The following SPEF2 variants were observed in gnomAD, a reference collection of about 807,000 sequenced individuals.
SPEF2 encodes sperm flagellar and cilia associated 2.
A neutral mutation model predicts 224.6 loss-of-function variants in SPEF2; 187 were observed. The observed-to-expected ratio is 0.83, with a 90% CI of 0.74 to 0.94. SPEF2 has a LOEUF of 0.94. Among genes scored for constraint, SPEF2 ranks in the 40% least tolerant of loss-of-function variants. The pLI is 0.00. For missense variants in SPEF2, 2,170 were observed against 2,135.6 expected, an observed-to-expected ratio of 1.02 and a Z score of -0.32; for synonymous variants, 715 against 707.3, an observed-to-expected ratio of 1.01 and a Z score of -0.17.
At chr5:35,669,257 T>C (rs186375850) in intron 9 of SPEF2, among the ~76,000 whole-genome samples, 1 of 152,244 alleles carries the variant, frequency 6.6e-6, no homozygotes, top group East Asian at 1.9e-4. Flanking sequence ...AAATACTACT[T>C]TTTAAGTTGT....
At chr5:35,688,658 G>T (rs1313727191) in intron 10 of SPEF2, among the ~76,000 whole-genome samples, 1 of 151,952 alleles carries the variant, frequency 6.6e-6, no homozygotes, top group Non-Finnish European at 1.5e-5. Context: ...ACCTGTTCTG[G>T]GATCTGACTG....
intron 2 of SPEF2, among the ~76,000 whole-genome samples, chr5:35,639,559 A>G (rs1746304602): frequency 6.6e-6 from 1 of 152,184 alleles, no homozygotes. Flanking sequence ...AAAGTTATTC[A>G]TCTTGGAAAT....
At chr5:35,690,397 T>G (rs1222838641) in intron 10 of SPEF2, among the ~76,000 whole-genome samples, 3 of 152,198 alleles carry the variant, frequency 2.0e-5, no homozygotes, top group Non-Finnish European at 4.4e-5. Flanking sequence ...TGTTTTAATG[T>G]TCCTTTTAGA....
At chr5:35,687,990 T>C (rs1344900447) in intron 10 of SPEF2, among the ~76,000 whole-genome samples, 1 of 152,178 alleles carries the variant, frequency 6.6e-6, no homozygotes, top group Non-Finnish European at 1.5e-5. Context: ...GGACTCTTGT[T>C]GAATAAGCAG....
At chr5:35,785,034 G>C (rs1021135130) in intron 30 of SPEF2, among the ~76,000 whole-genome samples, 2 of 152,142 alleles carry the variant, frequency 1.3e-5, no homozygotes, top group African/African-American at 4.8e-5. Context: ...TGTATTTGCA[G>C]GTAAGTATTT....
chr5:35,700,867 T>A, intron 16 of SPEF2, 115 bp downstream of exon 16: 2 of 1,168,204 alleles, frequency 1.7e-6, no homozygotes. Flanking sequence ...CACTTCAGCC[T>A]ATCAAATAAT....
intron 26 of SPEF2, among the ~76,000 whole-genome samples, chr5:35,767,593 C>G (rs950194955): frequency 7.2e-5 from 11 of 151,736 alleles, no homozygotes; most frequent in African/African-American, 2.4e-4. Flanking sequence ...TTTAAAATAT[C>G]CAATCCAAAA....
intron 25 of SPEF2, among the ~76,000 whole-genome samples, chr5:35,760,758 T>C (rs7380587): frequency 0.9 from 136,341 of 152,228 alleles, 61,445 homozygotes; most frequent in South Asian, 0.99. Context: ...GAAAAATGTC[T>C]TCTAGAAATG....
intron 30 of SPEF2, chr5:35,789,947 G>A: frequency 1.4e-6 from 1 of 702,598 alleles, no homozygotes. Flanking sequence ...GCAAGCTGAG[G>A]AAAGTGGTGG....
intron 15 of SPEF2, chr5:35,698,462 C>T (rs1755647606): frequency 6.6e-6 from 1 of 152,204 alleles, no homozygotes; most frequent in Non-Finnish European, 1.5e-5. Flanking sequence ...TGTAACATTT[C>T]CCAGAAGTGG....
At chr5:35,719,704 C>G (rs1743265102) in intron 20 of SPEF2, among the ~76,000 whole-genome samples, 1 of 152,088 alleles carries the variant, frequency 6.6e-6, no homozygotes, top group Non-Finnish European at 1.5e-5. Context: ...TCACTGCAAG[C>G]TCCACCTCCC....
chr5:35,813,685 A>G (rs1347580390), intron 36 of SPEF2, among the ~76,000 whole-genome samples: 1 of 152,200 alleles, frequency 6.6e-6, no homozygotes, highest in African/African-American at 2.4e-5. Flanking sequence ...GAAGCAGTGC[A>G]TATGTCAATT....
intron 27 of SPEF2, among the ~76,000 whole-genome samples, chr5:35,772,905 G>A (rs1489427812): frequency 1.3e-5 from 2 of 151,900 alleles, no homozygotes; most frequent in African/African-American, 4.8e-5. Context: ...TGAACCCTTC[G>A]AAGTCAGACC....
At chr5:35,649,989 T>G (rs559772739) in intron 6 of SPEF2, among the ~76,000 whole-genome samples, 78 of 152,334 alleles carry the variant, frequency 5.1e-4, no homozygotes, top group African/African-American at 1.7e-3. Flanking sequence ...AATAATTCAT[T>G]AGGGATGACA....
chr5:35,667,995 T>A (rs80345101), intron 9 of SPEF2, among the ~76,000 whole-genome samples: 18,005 of 151,878 alleles, frequency 0.12, 1,587 homozygotes, highest in East Asian at 0.39. Flanking sequence ...GTTAAAATTT[T>A]TAAAAAAATG....
At chr5:35,727,374 A>G (rs1744841637) in intron 20 of SPEF2, among the ~76,000 whole-genome samples, 2 of 152,246 alleles carry the variant, frequency 1.3e-5, no homozygotes, top group African/African-American at 4.8e-5. Context: ...AGTTTGTTCT[A>G]GAGTCTAAAC....
intron 25 of SPEF2, among the ~76,000 whole-genome samples, chr5:35,761,943 A>G (rs1218284982): frequency 1.3e-5 from 2 of 152,212 alleles, no homozygotes; most frequent in Non-Finnish European, 2.9e-5. Flanking sequence ...GTCAATCAAT[A>G]TATCAACCAA....
chr5:35,742,896 TA>T (rs1747901681), intron 23 of SPEF2, among the ~76,000 whole-genome samples: 1 of 151,882 alleles, frequency 6.6e-6, no homozygotes, highest in South Asian at 2.1e-4. Flanking sequence ...TGTGATCAAT[TA>T]AAAAATACTT....
chr5:35,771,777 C>CAG (rs766767365), intron 27 of SPEF2, 21 bp downstream of exon 27: 10 of 1,575,418 alleles, frequency 6.3e-6, no homozygotes, highest in Non-Finnish European at 8.6e-6. Context: ...TTTTAGCACT[C>CAG]AGAACCCTGG....
Sources: gnomAD v4.1 joint callset for allele counts (sites outside exome capture counted in the v4.1 genomes callset) on GRCh38, gnomAD v4.1.1 for gene constraint, MANE v1.5 for transcripts, NCBI Gene and HGNC (gene_info 2026-07-23, HGNC 2026-07-21) for gene names.